The following MGAM2 variants were observed in gnomAD, a reference collection of about 807,000 sequenced individuals.
MGAM2 encodes probable maltase-glucoamylase 2.
A neutral mutation model predicts 96.1 loss-of-function variants in MGAM2; 98 were observed. That is an observed-to-expected ratio of 1.02 (90% CI 0.87 to 1.21). The LOEUF (loss-of-function observed/expected upper bound fraction) is 1.21, where lower values mean the gene tolerates loss of function less well. Among genes scored for constraint, MGAM2 ranks in the 50% most tolerant of loss-of-function variants. The pLI is 0.00. For missense variants in MGAM2, 2,055 were observed against 1,182.4 expected, an observed-to-expected ratio of 1.74 and a Z score of -10.82; for synonymous variants, 749 against 414.8, an observed-to-expected ratio of 1.81 and a Z score of -9.79.
At chr7:142,190,798 C>T (rs1796843684) in intron 37 of MGAM2, among the ~76,000 whole-genome samples, 1 of 152,038 alleles carries the variant, frequency 6.6e-6, no homozygotes, top group African/African-American at 2.4e-5. Flanking sequence ...AATATCTATT[C>T]AAATCCTTTG....
chr7:142,141,247 A>G, intron 12 of MGAM2, 128 bp downstream of exon 12: 2 of 570,856 alleles, frequency 3.5e-6, no homozygotes, highest in East Asian at 2.9e-5. Context: ...TTCTTTTATT[A>G]CTATTTTAAA....
intron 23 of MGAM2, among the ~76,000 whole-genome samples, chr7:142,163,403 T>A (rs1194793145): frequency 6.6e-6 from 1 of 152,146 alleles, no homozygotes; most frequent in African/African-American, 2.4e-5. Context: ...TACCTGAGCC[T>A]CCTGAGTAGC....
intron 21 of MGAM2, 96 bp from the exon 22 acceptor site, chr7:142,161,029 C>G: frequency 1.6e-6 from 1 of 639,760 alleles, no homozygotes; most frequent in Non-Finnish European, 2.9e-6. Context: ...CTGGTATAGA[C>G]TCTTGGATTA....
Position 142,218,535 on chromosome 7 carries a change from G to T in MGAM2, c.5358+4G>T. On this transcript the variant is annotated splice_donor_region_variant and intron_variant, in intron 47 of 47. Transcript: ENST00000477922. ...CAAGAGTGAACCTTATAATCAGGTA[G>T]GTCTGAAAGGAATATTAGCATATCA... 1 of 667,306 alleles carries T rather than the reference G, an allele frequency of 1.5e-6. No individual in the cohort carries two copies. Among genetic ancestry groups the T allele is most frequent in the Admixed American group, 2.2e-5 (1 of 44,596 alleles). 41.3% of individuals were successfully genotyped at this position (667,306 alleles called of 1,614,324 possible).
chr7:142,142,870 T>C (rs1032064967), intron 12 of MGAM2, among the ~76,000 whole-genome samples: 3 of 152,124 alleles, frequency 2.0e-5, no homozygotes, highest in African/African-American at 7.2e-5. Context: ...TAAATGCACT[T>C]AGTTGAATAA....
At chr7:142,165,892 GA>G (rs761951783) in intron 24 of MGAM2, among the ~76,000 whole-genome samples, 1 of 152,172 alleles carries the variant, frequency 6.6e-6, no homozygotes, top group Non-Finnish European at 1.5e-5. Flanking sequence ...TTAGCATGAT[GA>G]AAACTCTTCC....
chr7:142,158,924 T>C (rs1481753140), intron 19 of MGAM2, among the ~76,000 whole-genome samples: 3 of 152,198 alleles, frequency 2.0e-5, no homozygotes, highest in Non-Finnish European at 4.4e-5. Flanking sequence ...GCTGTTGTTA[T>C]AGCCACACTA....
chr7:142,112,351 G>T (rs1817202583), intron 1 of MGAM2, among the ~76,000 whole-genome samples: 1 of 152,168 alleles, frequency 6.6e-6, no homozygotes, highest in Non-Finnish European at 1.5e-5. Context: ...TGCTGAACCT[G>T]CTCCCTCAGG....
In MGAM2 at chr7:142,205,590, T is replaced by C. The variant is rs536558491; in HGVS notation, c.5138-2983T>C. Among the ~76,000 whole-genome samples the C allele has an allele frequency of 4.6e-5, 7 of 152,288 alleles. No homozygotes were observed. In the East Asian group the frequency reaches 1.2e-3, roughly 25 times the overall value. ...GTTGTTGAACATCTTTACATGTACT[T>C]ATTATTCATGTGTACATTTTCTTCA... On this transcript the variant is annotated intron_variant, in intron 45 of 47. Transcript: ENST00000477922.
In MGAM2 at chr7:142,158,069, G is replaced by GTA. The variant is rs1447340560; in HGVS notation, c.2057_2058dup (p.Ala687Ter). The GTA allele has an allele frequency of 4.3e-6, 3 of 702,756 alleles. No individual in the cohort carries two copies. Among genetic ancestry groups the GTA allele is most frequent in the Non-Finnish European group, 7.8e-6 (3 of 384,954 alleles). 43.5% of individuals were successfully genotyped at this position (702,756 alleles called of 1,614,324 possible). A position where few individuals can be genotyped will look rare whatever the true frequency, so the allele number is the denominator to read the frequency against. On this transcript the variant is annotated frameshift_variant, in exon 18 of 48. Coordinates refer to ENST00000477922, the MANE Select transcript of MGAM2 (RefSeq NM_001293626.2). LOFTEE classifies it high-confidence loss of function. Reference sequence around the variant, plus strand: ...CCATGCTCACACCCGGGGAGAGACGGTAGCAAGGCCCCTTGTACATGAGTG... The same window carrying GTA: ...CCATGCTCACACCCGGGGAGAGACGGTATAGCAAGGCCCCTTGTACATGAGTG...
At chr7:142,172,844 G>A (rs910473702) in intron 30 of MGAM2, 80 bp downstream of exon 30, 17 of 593,388 alleles carry the variant, frequency 2.9e-5, no homozygotes, top group Non-Finnish European at 5.1e-5. Flanking sequence ...AGATAGGGCA[G>A]TTTTTTCTTT....
At chr7:142,195,298 T>TCAGCACCCA (rs947070840) in intron 37 of MGAM2, among the ~76,000 whole-genome samples, 16 of 150,282 alleles carry the variant, frequency 1.1e-4, no homozygotes, top group Non-Finnish European at 7.4e-5. Context: ...CCTCCCAAGG[T>TCAGCACCCA]GCTGGGATTA....
In MGAM2 at chr7:142,220,982, T is replaced by C. The variant is rs757455323; in HGVS notation, c.6471T>C (p.Asn2157=). The C allele has an allele frequency of 5.7e-6, 4 of 702,234 alleles. No homozygotes were observed. Among genetic ancestry groups the C allele is most frequent in the South Asian group, 1.5e-5 (1 of 67,576 alleles). The allele number at this position is 702,234 out of a possible 1,614,324, so 43.5% of individuals were successfully genotyped here. The change falls in exon 48 of 48, where the codon AAT becomes AAC. Residue 2157 remains asparagine, a synonymous_variant. Coordinates refer to ENST00000477922, the MANE Select transcript of MGAM2 (RefSeq NM_001293626.2). ...CTACTAATGCTAGCACTAGTACTAA[T>C]GTTGCTAATATAACTGCTACCTCTC... ...TNTTNASTST[N]VANITATSHT...
At chr7:142,192,854 T>C (rs76133673) in intron 37 of MGAM2, among the ~76,000 whole-genome samples, 7,636 of 152,286 alleles carry the variant, frequency 0.05, 548 homozygotes, top group East Asian at 0.16. Flanking sequence ...CTTTAGGATT[T>C]AGGCTGTGAA....
chr7:142,190,464 G>T (rs1014579926), intron 37 of MGAM2, among the ~76,000 whole-genome samples: 1 of 151,616 alleles, frequency 6.6e-6, no homozygotes, highest in Non-Finnish European at 1.5e-5. Flanking sequence ...TAGTAGAGAC[G>T]GGTTTCGCCA....
At chr7:142,189,241 C>T in intron 36 of MGAM2, 126 bp from the exon 37 acceptor site, 1 of 550,576 alleles carries the variant, frequency 1.8e-6, no homozygotes. Context: ...ACTAAAACCT[C>T]ATAAAATTGG....
intron 37 of MGAM2, among the ~76,000 whole-genome samples, chr7:142,195,770 C>T (rs1370811801): frequency 6.6e-6 from 1 of 152,134 alleles, no homozygotes; most frequent in African/African-American, 2.4e-5. Context: ...AGCTTCCTAA[C>T]AGTAAAAGGA....
chr7:142,187,758 T>C lies in MGAM2; in HGVS notation c.4131T>C (p.Asn1377=). 1 of 702,798 alleles carries C rather than the reference T, an allele frequency of 1.4e-6. No individual in the cohort carries two copies. Among genetic ancestry groups the C allele is most frequent in the Non-Finnish European group, 2.6e-6 (1 of 384,834 alleles). The allele number at this position is 702,798 out of a possible 1,614,324, so 43.5% of individuals were successfully genotyped here. A position where few individuals can be genotyped will look rare whatever the true frequency, so the allele number is the denominator to read the frequency against. The change falls in exon 36 of 48, where the codon AAT becomes AAC. Residue 1377 remains asparagine, a synonymous_variant. Coordinates refer to ENST00000477922, the MANE Select transcript of MGAM2 (RefSeq NM_001293626.2). ...LKFDGLWIDM[N]EPSNFVDGSV... The stretch of plus-strand genomic sequence containing the variant: ...TTGTTAACTCATTTCAGGATATGAA[T>C]GAGCCATCAAATTTTGTGGATGGAT...
intron 45 of MGAM2, chr7:142,208,133 T>G (rs1209973624): frequency 1.7e-5 from 8 of 457,712 alleles, no homozygotes; most frequent in Non-Finnish European, 3.1e-5. Flanking sequence ...GCACAGCTAT[T>G]AAGTACAAGA....
Sources: allele counts gnomAD v4.1 joint callset (sites outside exome capture counted in the v4.1 genomes callset), GRCh38; gene constraint gnomAD v4.1.1; transcripts MANE v1.5; gene names NCBI Gene and HGNC (gene_info 2026-07-23, HGNC 2026-07-21).